CCM2: variants seen among roughly 807,000 people sequenced by gnomAD.
CCM2 encodes cerebral cavernous malformations 2 protein.
Under a neutral mutation model 44.9 loss-of-function variants are expected in CCM2, and 25 were observed. The observed-to-expected ratio is 0.56, with a 90% confidence interval of 0.41 to 0.78. The LOEUF is 0.78. Among genes scored for constraint, CCM2 ranks in the 30% least tolerant of loss-of-function variants. The pLI, the probability that CCM2 is intolerant of heterozygous loss-of-function variation, is 0.00. For synonymous variants in CCM2, 219 were observed against 241.1 expected, an observed-to-expected ratio of 0.91 and a Z score of 0.85; for missense variants, 481 against 580.6, an observed-to-expected ratio of 0.83 and a Z score of 1.76.
chr7:45,010,005 A>G (rs1318052970), intron 1 of CCM2, among the ~76,000 whole-genome samples: 2 of 151,396 alleles, frequency 1.3e-5, no homozygotes, highest in South Asian at 2.1e-4. Flanking sequence ...GACTTCCCAG[A>G]CTCAAGTGAT....
In CCM2 at chr7:45,033,044, CAAAAAAAAAAA is replaced by C. The variant is rs60956411; in HGVS notation, c.31-5192_31-5182del. Among the ~76,000 whole-genome samples, 108 of 58,070 alleles carry C rather than the reference CAAAAAAAAAAA, an allele frequency of 1.9e-3. 6 individuals carry two copies. The Admixed American group carries it at 0.026, about 14-fold the overall frequency. 38.1% of individuals were successfully genotyped at this position (58,070 alleles called of 152,430 possible). A position where few individuals can be genotyped will look rare whatever the true frequency, so the allele number is the denominator to read the frequency against. ...TGGTGACAAGAGCAAAACTCCGTCTCAAAAAAAAAAAAAAAAAAAAAAAAAAAGAGCAAAGG... is the reference window on the plus strand; with the variant it reads ...TGGTGACAAGAGCAAAACTCCGTCTCAAAAAAAAAAAAAAAAGAGCAAAGG... On this transcript the variant is annotated intron_variant, in intron 1 of 9. Transcript: ENST00000258781.
intron 1 of CCM2, among the ~76,000 whole-genome samples, chr7:45,011,358 G>A (rs747597007): frequency 5.9e-5 from 9 of 151,684 alleles, no homozygotes; most frequent in Non-Finnish European, 1.3e-4. Context: ...CACCACACCC[G>A]GCTAATTTTT....
chr7:45,031,274 C>T (rs1471580589), intron 1 of CCM2, among the ~76,000 whole-genome samples: 9 of 147,926 alleles, frequency 6.1e-5, no homozygotes, highest in East Asian at 2.1e-4. Context: ...CCCAGATACT[C>T]GGGAGGCTGA....
At chr7:45,060,626 T>G (rs1798475650) in intron 2 of CCM2, among the ~76,000 whole-genome samples, 1 of 152,224 alleles carries the variant, frequency 6.6e-6, no homozygotes, top group Non-Finnish European at 1.5e-5. Flanking sequence ...GTTTTCTTTC[T>G]TTCGTTCTTT....
chr7:45,065,907 G>A (rs1427017700), intron 4 of CCM2, among the ~76,000 whole-genome samples: 1 of 152,168 alleles, frequency 6.6e-6, no homozygotes, highest in African/African-American at 2.4e-5. Context: ...TGGACCCTGC[G>A]GGAGGCCTTA....
chr7:45,068,986 G>A (rs566633943), intron 5 of CCM2, among the ~76,000 whole-genome samples: 129 of 152,272 alleles, frequency 8.5e-4, no homozygotes, highest in African/African-American at 2.8e-3. Flanking sequence ...GGGCAGCGGC[G>A]GTCACCTGTG....
In CCM2 at chr7:45,074,615, T is replaced by C. The variant is rs145332010; in HGVS notation, c.1054+207T>C. Among the ~76,000 whole-genome samples, 75 of 152,212 alleles carry C rather than the reference T, an allele frequency of 4.9e-4. 1 individual carries two copies. Among genetic ancestry groups the C allele is most frequent in the East Asian group, 3.7e-3 (19 of 5,176 alleles). On this transcript the variant is annotated intron_variant, in intron 9 of 9. Transcript: ENST00000258781. The stretch of plus-strand genomic sequence containing the variant: ...TCAGAAGGGCTTTTCCCAGGTACTG[T>C]TGGGGGCCCACCGACAGGCCTTCAT...
rs753358163 is a variant in CCM2 at position 45,068,407 on chromosome 7, C to A, written c.473-36C>A. ...CTCAAGTGCCCCCATGCCTGCCCTT[C>A]CACTGTGCTAAACTGAGATGGTGTT... On this transcript the variant is annotated intron_variant, in intron 4 of 9. Transcript: ENST00000258781. The A allele has an allele frequency of 6.8e-6, 11 of 1,613,724 alleles. No individual in the cohort carries two copies. In the African/African-American group the frequency reaches 1.3e-4, roughly 20 times the overall value.
upstream of CCM2, chr7:44,999,798 C>T: frequency 4.5e-6 from 2 of 441,674 alleles, no homozygotes; most frequent in South Asian, 3.1e-5. Flanking sequence ...AAAGTTGGAG[C>T]TGCTCCCGCG....
At chr7:45,057,897 C>T (rs1387503118) in intron 2 of CCM2, among the ~76,000 whole-genome samples, 1 of 152,202 alleles carries the variant, frequency 6.6e-6, no homozygotes, top group Non-Finnish European at 1.5e-5. Context: ...CTGCCCAGCA[C>T]ACGCAATTCT....
chr7:45,037,111 A>T (rs909062713), intron 1 of CCM2, among the ~76,000 whole-genome samples: 2 of 151,754 alleles, frequency 1.3e-5, no homozygotes, highest in Non-Finnish European at 2.9e-5. Context: ...GTAGATAGGG[A>T]TTGTAGCATG....
chr7:45,034,575 A>G (rs1432800858), intron 1 of CCM2, among the ~76,000 whole-genome samples: 5 of 130,650 alleles, frequency 3.8e-5, no homozygotes, highest in African/African-American at 1.2e-4. Flanking sequence ...CTGGGGTGCA[A>G]TAGCACAATC....
In CCM2 at chr7:45,068,348, C is replaced by G. The variant is rs146563144; in HGVS notation, c.473-95C>G. 9.2e-3 allele frequency: 14,238 copies of G among 1,543,694 alleles called. 97 individuals are homozygous for G. Among genetic ancestry groups the G allele is most frequent in the Non-Finnish European group, 0.01 (11,233 of 1,121,960 alleles). ...GGTGCCTGAGCCAGGTAAAGGTCCTCTCAGCCTGTTTCCATGGCGGCCTCA... is the reference window on the plus strand; with the variant it reads ...GGTGCCTGAGCCAGGTAAAGGTCCTGTCAGCCTGTTTCCATGGCGGCCTCA... On this transcript the variant is annotated intron_variant, in intron 4 of 9. Coordinates refer to ENST00000258781, the MANE Select transcript of CCM2 (RefSeq NM_031443.4).
Position 45,000,223 on chromosome 7 carries a change from G to T in CCM2, c.-111G>T, listed in dbSNP as rs1405996400. 7 of 635,340 alleles carry T rather than the reference G, an allele frequency of 1.1e-5. No homozygotes were observed. The highest frequency in any genetic ancestry group is 6.7e-5 in the South Asian group (1 of 14,860). The allele number at this position is 635,340 out of a possible 1,614,324, so 39.4% of individuals were successfully genotyped here. On this transcript the variant is annotated 5_prime_UTR_variant, in exon 1 of 10. Transcript: ENST00000258781. ...GGCGGAGACTTCGGGCCCGGCTGGC[G>T]GGCGGCGCCGGGAGCGCGGGGGCGG...
intron 2 of CCM2, among the ~76,000 whole-genome samples, chr7:45,057,906 C>T (rs1798340127): frequency 6.6e-6 from 1 of 152,230 alleles, no homozygotes; most frequent in Non-Finnish European, 1.5e-5. Context: ...ACACGCAATT[C>T]TGAAGTTTAG....
intron 1 of CCM2, among the ~76,000 whole-genome samples, chr7:45,025,543 T>C (rs1237781258): frequency 1.3e-5 from 2 of 151,252 alleles, no homozygotes; most frequent in Admixed American, 6.6e-5. Flanking sequence ...TCTTTTTTTT[T>C]TTTTTTTGAG....
At chr7:45,074,035 G>A in intron 8 of CCM2, 1 of 827,334 alleles carries the variant, frequency 1.2e-6, no homozygotes, top group East Asian at 2.8e-5. Flanking sequence ...TGCACTCTGT[G>A]TTCCAGCTCA....
At chr7:45,072,976 C>T (rs1428310688) in intron 7 of CCM2, 193 bp downstream of exon 7, 6 of 668,316 alleles carry the variant, frequency 9.0e-6, no homozygotes, top group Admixed American at 8.3e-5. Flanking sequence ...TTCTAGAGCC[C>T]TTGCTGTCCC....
chr7:45,001,741 A>G (rs1466532440), intron 1 of CCM2, among the ~76,000 whole-genome samples: 2 of 152,348 alleles, frequency 1.3e-5, no homozygotes, highest in Admixed American at 1.3e-4. Context: ...TGGTAGAAAC[A>G]TGAAACACCC....
Sources: allele counts gnomAD v4.1 joint callset (sites outside exome capture counted in the v4.1 genomes callset), GRCh38; gene constraint gnomAD v4.1.1; transcripts MANE v1.5; gene names NCBI Gene and HGNC (gene_info 2026-07-23, HGNC 2026-07-21).